The following SLC24A2 variants were observed in gnomAD, a reference collection of about 807,000 sequenced individuals.
SLC24A2 encodes solute carrier family 24 member 2, also known as sodium/potassium/calcium exchanger 2.
Under a neutral mutation model 62.0 loss-of-function variants are expected in SLC24A2, and 36 were observed. The observed-to-expected ratio is 0.58, with a 90% confidence interval of 0.44 to 0.77. SLC24A2 has a LOEUF of 0.77. Ranked by LOEUF, SLC24A2 falls within the 30% of genes least tolerant of loss-of-function variation. The pLI is 0.00. For synonymous variants in SLC24A2, 358 were observed against 294.0 expected (o/e 1.22, Z -2.23); for missense variants, 846 against 817.9 (o/e 1.03, Z -0.42).
chr9:19,519,905 CAG>C (rs1396093965), intron 10 of SLC24A2, among the ~76,000 whole-genome samples: 1 of 152,194 alleles, frequency 6.6e-6, no homozygotes, highest in Non-Finnish European at 1.5e-5. Context: ...ATTGATAGCA[CAG>C]ACTCTTTGTT....
At chr9:20,007,151 A>T in the SLC24A2 span, among the ~76,000 whole-genome samples, 151 of 152,292 alleles carry the variant, frequency 9.9e-4, 1 homozygote, top group African/African-American at 3.3e-3. Context: ...AGTAAGAATA[A>T]ATGGGCTCTG....
At chr9:20,051,649 T>TTC in the SLC24A2 span, among the ~76,000 whole-genome samples, 1 of 140,372 alleles carries the variant, frequency 7.1e-6, no homozygotes, top group African/African-American at 2.7e-5. Flanking sequence ...GTGAGGTTTT[T>TTC]TCTTTCTCTT....
At chr9:19,913,654 ATTG>A in the SLC24A2 span, among the ~76,000 whole-genome samples, 2 of 152,244 alleles carry the variant, frequency 1.3e-5, no homozygotes, top group Admixed American at 6.5e-5. Flanking sequence ...TATTGCTTTC[ATTG>A]TATTTCATGA....
chr9:19,775,942 C>T (rs1208019512), intron 2 of SLC24A2, among the ~76,000 whole-genome samples: 2 of 152,202 alleles, frequency 1.3e-5, no homozygotes, highest in East Asian at 3.8e-4. Flanking sequence ...TAACTAAGGC[C>T]ACAGCCCTTT....
At chr9:19,845,743 C>T in the SLC24A2 span, among the ~76,000 whole-genome samples, 1 of 152,160 alleles carries the variant, frequency 6.6e-6, no homozygotes, top group Non-Finnish European at 1.5e-5. Flanking sequence ...AAGCTTTCCT[C>T]TTAACACTGC....
chr9:19,587,679 G>A (rs1836416766), intron 5 of SLC24A2, among the ~76,000 whole-genome samples: 1 of 151,872 alleles, frequency 6.6e-6, no homozygotes, highest in East Asian at 1.9e-4. Context: ...AGAGCTTCAT[G>A]GTTGAGGGGA....
chr9:20,018,255 A>G, the SLC24A2 span, among the ~76,000 whole-genome samples: 9 of 152,168 alleles, frequency 5.9e-5, no homozygotes, highest in African/African-American at 2.2e-4. Context: ...CCTACTTTGC[A>G]TCCTTAAATT....
chr9:20,235,413 C>G, the SLC24A2 span, among the ~76,000 whole-genome samples: 1,546 of 152,344 alleles, frequency 0.01, 29 homozygotes, highest in African/African-American at 0.034. Context: ...CCTAATCAAA[C>G]AGCTAACTCG....
chr9:19,881,988 C>G, the SLC24A2 span, among the ~76,000 whole-genome samples: 8 of 152,126 alleles, frequency 5.3e-5, 1 homozygote, highest in Admixed American at 5.2e-4. Context: ...CAACCTATGC[C>G]TATTCCATAA....
At chr9:20,177,421 T>A in the SLC24A2 span, among the ~76,000 whole-genome samples, 36 of 152,238 alleles carry the variant, frequency 2.4e-4, no homozygotes, top group East Asian at 6.8e-3. Flanking sequence ...TCTTCTTTGT[T>A]GCAGCAGAAA....
At chr9:20,106,351 G>A in the SLC24A2 span, among the ~76,000 whole-genome samples, 1 of 152,140 alleles carries the variant, frequency 6.6e-6, no homozygotes. Context: ...CATTTGATGA[G>A]GCCAGCATCA....
At chr9:19,696,496 G>A (rs1174866833) in intron 2 of SLC24A2, among the ~76,000 whole-genome samples, 1 of 152,154 alleles carries the variant, frequency 6.6e-6, no homozygotes, top group African/African-American at 2.4e-5. Context: ...CTGAGTCTGG[G>A]AGGTTGGCAG....
chr9:19,796,194 C>T, the SLC24A2 span, among the ~76,000 whole-genome samples: 5 of 151,518 alleles, frequency 3.3e-5, no homozygotes, highest in African/African-American at 1.2e-4. Flanking sequence ...ATGGGTGCAG[C>T]ACACCAACAT....
intron 8 of SLC24A2, among the ~76,000 whole-genome samples, chr9:19,532,103 A>G (rs560694574): frequency 1.1e-3 from 163 of 152,104 alleles, no homozygotes; most frequent in Middle Eastern, 0.01. Context: ...TGTTTGTTTG[A>G]CAGAGTTTCC....
At chr9:20,081,129 C>T in the SLC24A2 span, among the ~76,000 whole-genome samples, 1 of 152,140 alleles carries the variant, frequency 6.6e-6, no homozygotes, top group Non-Finnish European at 1.5e-5. Flanking sequence ...CATTACTGGG[C>T]ATAAACCCAA....
the SLC24A2 span, among the ~76,000 whole-genome samples, chr9:20,258,757 C>A: frequency 1.3e-5 from 2 of 148,372 alleles, no homozygotes; most frequent in Non-Finnish European, 3.0e-5. Context: ...AATGAATCTC[C>A]TCTCATTTAT....
At chr9:20,165,791 TG>T in the SLC24A2 span, among the ~76,000 whole-genome samples, 1 of 151,900 alleles carries the variant, frequency 6.6e-6, no homozygotes, top group East Asian at 1.9e-4. Context: ...TTGATAAATT[TG>T]ATCACATAAA....
At chr9:20,079,413 G>A in the SLC24A2 span, among the ~76,000 whole-genome samples, 2 of 151,832 alleles carry the variant, frequency 1.3e-5, no homozygotes, top group Non-Finnish European at 2.9e-5. Context: ...AATTTTCTGT[G>A]CAAATATAAA....
chr9:19,908,088 T>A, the SLC24A2 span, among the ~76,000 whole-genome samples: 1 of 152,112 alleles, frequency 6.6e-6, no homozygotes, highest in African/African-American at 2.4e-5. Context: ...CAAACTATAC[T>A]ACAAGGCTAC....
Sources: gnomAD v4.1 joint callset for allele counts (sites outside exome capture counted in the v4.1 genomes callset) on GRCh38, gnomAD v4.1.1 for gene constraint, MANE v1.5 for transcripts, NCBI Gene and HGNC (gene_info 2026-07-23, HGNC 2026-07-21) for gene names.